Variants in ALDH2 observed in about 807,000 individuals in gnomAD.
The protein encoded by ALDH2 is aldehyde dehydrogenase 2 family member.
In ALDH2, 44 loss-of-function variants were observed where a neutral mutation model predicts 59.6. The ratio of observed to expected loss-of-function variants is 0.74; its 90% CI spans 0.58 to 0.95. ALDH2 has a LOEUF of 0.95. ALDH2 is among the 40% of genes least tolerant of loss of function. The probability of loss-of-function intolerance (pLI) is 0.00; values close to 1 mark genes in which losing one functional copy is unlikely to be tolerated. For missense variants in ALDH2, 570 were observed against 696.3 expected (o/e 0.82, Z 2.04); for synonymous variants, 291 against 284.0 (o/e 1.02, Z -0.25).
intron 5 of ALDH2, among the ~76,000 whole-genome samples, chr12:111,790,218 C>T (rs371563129): frequency 8.5e-5 from 13 of 152,272 alleles, no homozygotes; most frequent in African/African-American, 2.4e-4. Context: ...CATGGTGTCA[C>T]GGACATAAAA....
chr12:111,785,295 C>G lies in ALDH2; in HGVS notation c.389C>G (p.Pro130Arg), dbSNP rs1348458158. 6.2e-7 allele frequency: 1 copy of G among 1,614,078 alleles called. No homozygotes were observed. ...TTGGAGACCCTGGACAATGGCAAGCCCTATGTCATCTCCTACCTGGTGGAT... is the reference window on the plus strand; with the variant it reads ...TTGGAGACCCTGGACAATGGCAAGCGCTATGTCATCTCCTACCTGGTGGAT... ...AALETLDNGK[P>R]YVISYLVDLD... The change falls in exon 4 of 13, where the codon CCC becomes CGC. Residue 130 changes from proline (P) to arginine (R), a missense_variant. Physicochemically the swap from Pro to Arg is moderately radical, Grantham distance 103. Coordinates refer to ENST00000261733, the MANE Select transcript of ALDH2 (RefSeq NM_000690.4).
chr12:111,772,098 G>GA (rs982107232), intron 1 of ALDH2, among the ~76,000 whole-genome samples: 7 of 150,386 alleles, frequency 4.7e-5, no homozygotes, highest in Admixed American at 2.0e-4. Context: ...CACTTCGTCT[G>GA]AAAAAAAACT....
chr12:111,779,281 A>G (rs2068254507), intron 1 of ALDH2, among the ~76,000 whole-genome samples: 1 of 151,772 alleles, frequency 6.6e-6, no homozygotes, highest in African/African-American at 2.4e-5. Flanking sequence ...AACCTCCCAG[A>G]CTCAAGCAAG....
At chr12:111,790,032 C>T (rs2068345208) in intron 5 of ALDH2, 98 bp downstream of exon 5, 2 of 1,151,882 alleles carry the variant, frequency 1.7e-6, no homozygotes, top group East Asian at 2.5e-5. Context: ...GGAAGGCAGC[C>T]TGGGTGGCAG....
At chr12:111,802,879 CAA>C (rs747777133) in intron 11 of ALDH2, among the ~76,000 whole-genome samples, 23 of 52,982 alleles carry the variant, frequency 4.3e-4, no homozygotes, top group Admixed American at 9.2e-4. Flanking sequence ...GACTCTGTCT[CAA>C]AAAAAAAAAA....
At chr12:111,785,130 C>T in intron 3 of ALDH2, 137 bp from the exon 4 acceptor site, 1 of 743,416 alleles carries the variant, frequency 1.3e-6, no homozygotes, top group South Asian at 1.5e-5. Flanking sequence ...ATGCTAGTGA[C>T]ATTTGGGGCA....
chr12:111,774,770 C>A lies in ALDH2; in HGVS notation c.115-7148C>A, dbSNP rs754909991. Among the ~76,000 whole-genome samples, 186 of 152,232 alleles carry A rather than the reference C, an allele frequency of 1.2e-3. 1 individual carries two copies. The highest frequency in any genetic ancestry group is 7.1e-4 in the Non-Finnish European group (48 of 68,014). On this transcript the variant is annotated intron_variant, in intron 1 of 12. Coordinates refer to ENST00000261733, the MANE Select transcript of ALDH2 (RefSeq NM_000690.4). ...TCTCCTGGCCTTGGTCTGACCTCCG[C>A]CCCCAAGGTCCAGTTGTCCTGCTCT...
intron 1 of ALDH2, 143 bp downstream of exon 1, chr12:111,767,239 G>GC: frequency 1.6e-6 from 1 of 616,062 alleles, no homozygotes; most frequent in East Asian, 3.4e-5. Flanking sequence ...AAGCACATCT[G>GC]CCCCCTCCTC....
Position 111,785,200 on chromosome 12 carries a change from T to C in ALDH2, c.361-67T>C. 2.2e-6 allele frequency: 3 copies of C among 1,344,154 alleles called. No individual in the cohort carries two copies. The Admixed American group carries it at 5.0e-5, about 23-fold the overall frequency. The allele number at this position is 1,344,154 out of a possible 1,614,324, so 83.3% of individuals were successfully genotyped here. On this transcript the variant is annotated intron_variant, in intron 3 of 12. Coordinates refer to ENST00000261733, the MANE Select transcript of ALDH2 (RefSeq NM_000690.4). The stretch of plus-strand genomic sequence containing the variant: ...CTTCTCAGTCCCAGCCTTGGCGCCC[T>C]CTGTCAGCCCTTTGTTTTCCTCTCA...
intron 12 of ALDH2, among the ~76,000 whole-genome samples, chr12:111,807,394 G>C (rs530162392): frequency 2.0e-5 from 3 of 152,184 alleles, no homozygotes; most frequent in Non-Finnish European, 4.4e-5. Flanking sequence ...TTCCCAGTGG[G>C]TACACTTCAT....
At chr12:111,785,555 C>G (rs1280918478) in intron 4 of ALDH2, among the ~76,000 whole-genome samples, 1 of 152,074 alleles carries the variant, frequency 6.6e-6, no homozygotes, top group East Asian at 1.9e-4. Flanking sequence ...GAAACCCCAT[C>G]TCTACTAAAA....
rs1566201380 is a variant in ALDH2 at position 111,817,243 on chromosome 12, T to C, written c.*7668T>C. The C allele has an allele frequency of 6.6e-6, 1 of 152,158 alleles. No individual in the cohort carries two copies. The highest frequency in any genetic ancestry group is 1.5e-5 in the Non-Finnish European group (1 of 68,026). 9.4% of individuals were successfully genotyped at this position (152,158 alleles called of 1,614,324 possible). A position where few individuals can be genotyped will look rare whatever the true frequency, so the allele number is the denominator to read the frequency against. ...GTGACCAAGGAAACAATAGCAAAAATTATCATGCCTAAGGCTCTATGGGCA... is the reference window on the plus strand; with the variant it reads ...GTGACCAAGGAAACAATAGCAAAAACTATCATGCCTAAGGCTCTATGGGCA... On this transcript the variant is annotated 3_prime_UTR_variant, in exon 13 of 13. Coordinates refer to ENST00000261733, the MANE Select transcript of ALDH2 (RefSeq NM_000690.4).
intron 1 of ALDH2, 59 bp from the exon 2 acceptor site, chr12:111,781,859 C>T: frequency 8.5e-7 from 1 of 1,179,114 alleles, no homozygotes; most frequent in Non-Finnish European, 1.3e-6. Context: ...CCTTACAATA[C>T]TGGTAGTCAG....
In ALDH2 at chr12:111,787,281, A is replaced by G. The variant is rs2068317487; in HGVS notation, c.440+1935A>G. On this transcript the variant is annotated intron_variant, in intron 4 of 12. Coordinates refer to ENST00000261733, the MANE Select transcript of ALDH2 (RefSeq NM_000690.4). The stretch of plus-strand genomic sequence containing the variant: ...AGAGTCAAGAGGTCTCTAATGCAAA[A>G]GGCCATTGAGTCTCACTCACCTCCC... 2.0e-5 allele frequency among the ~76,000 whole-genome samples: 3 copies of G among 152,210 alleles called. No individual in the cohort carries two copies. The South Asian group carries it at 6.2e-4, about 32-fold the overall frequency.
In ALDH2 at chr12:111,809,549, G is replaced by A; in HGVS notation, c.1528G>A (p.Val510Ile). 2.5e-6 allele frequency: 4 copies of A among 1,614,168 alleles called. No homozygotes were observed. Among genetic ancestry groups the A allele is most frequent in the Non-Finnish European group, 3.4e-6 (4 of 1,179,990 alleles). ...QAYTEVKTVT[V>I]KVPQKNS Reference sequence around the variant, plus strand: ...TTCTCTGTCCCCCTTACAGGTCACAGTCAAAGTGCCTCAGAAGAACTCATA... The same window carrying A: ...TTCTCTGTCCCCCTTACAGGTCACAATCAAAGTGCCTCAGAAGAACTCATA... Residue 510 changes from valine to isoleucine, a missense_variant, in exon 13 of 13, where the codon GTC (valine) becomes ATC (isoleucine). Physicochemically the swap from Val to Ile is conservative, Grantham distance 29. Coordinates refer to ENST00000261733, the MANE Select transcript of ALDH2 (RefSeq NM_000690.4).
intron 12 of ALDH2, among the ~76,000 whole-genome samples, chr12:111,809,320 T>C (rs1172616584): frequency 1.3e-5 from 2 of 152,168 alleles, no homozygotes; most frequent in East Asian, 1.9e-4. Flanking sequence ...CTGGGTGTTA[T>C]GGTGCATGCC....
chr12:111,817,461 A>T lies in ALDH2; in HGVS notation c.*7886A>T, dbSNP rs911153368. 1.3e-5 allele frequency: 2 copies of T among 152,212 alleles called. No homozygotes were observed. Among genetic ancestry groups the T allele is most frequent in the Non-Finnish European group, 2.9e-5 (2 of 68,038 alleles). The allele number at this position is 152,212 out of a possible 1,614,324, so 9.4% of individuals were successfully genotyped here. On this transcript the variant is annotated 3_prime_UTR_variant, in exon 13 of 13. Transcript: ENST00000261733. ...CTGGCAAGATTTACAGGTCAATTGG[A>T]TATTGTTTACCTGGAGCTGGTCCTT...
At chr12:111,775,608 A>G in intron 1 of ALDH2, 1 of 454,344 alleles carries the variant, frequency 2.2e-6, no homozygotes, top group Non-Finnish European at 4.4e-6. Context: ...CCTACAGTCT[A>G]GATTGAAAAT....
At chr12:111,775,071 G>A (rs927859557) in intron 1 of ALDH2, among the ~76,000 whole-genome samples, 1 of 152,192 alleles carries the variant, frequency 6.6e-6, no homozygotes, top group African/African-American at 2.4e-5. Context: ...GTTGAGGAAC[G>A]CTATGTGGCT....
Sources: allele counts gnomAD v4.1 joint callset (sites outside exome capture counted in the v4.1 genomes callset), GRCh38; gene constraint gnomAD v4.1.1; transcripts MANE v1.5; gene names NCBI Gene and HGNC (gene_info 2026-07-23, HGNC 2026-07-21).